The following APBB1 variants were observed in gnomAD, a reference collection of about 807,000 sequenced individuals.
The protein encoded by APBB1 is amyloid beta precursor protein binding family B member 1, also known as adaptor protein FE65a2.
Under a neutral mutation model 78.4 loss-of-function variants are expected in APBB1, and 22 were observed. That is an observed-to-expected ratio of 0.28 (90% CI 0.20 to 0.40). The LOEUF is 0.40. APBB1 is among the 10% of genes least tolerant of loss of function. The probability of loss-of-function intolerance (pLI) is 1.00; values close to 1 mark genes in which losing one functional copy is unlikely to be tolerated. For synonymous variants in APBB1, 369 were observed against 372.7 expected, an observed-to-expected ratio of 0.99 and a Z score of 0.12; for missense variants, 749 against 932.4, an observed-to-expected ratio of 0.80 and a Z score of 2.56.
Position 6,411,632 on chromosome 11 carries a change from C to T in APBB1, c.-14-271G>A, listed in dbSNP as rs140439762. On this transcript the variant is annotated intron_variant, in intron 1 of 14. Coordinates refer to ENST00000609360, the MANE Select transcript of APBB1 (RefSeq NM_001164.5). The surrounding 1 kb of genome is among the most constrained non-coding windows in gnomAD (Gnocchi z 5.2). ...GGATGGCACAGCTGGCGCCTGCCCTCGGTCCCACCAGCAAGGCCTCCACAC... is the reference window on the plus strand; with the variant it reads ...GGATGGCACAGCTGGCGCCTGCCCTTGGTCCCACCAGCAAGGCCTCCACAC... Among the ~76,000 whole-genome samples, 2,581 of 152,226 alleles carry T rather than the reference C, an allele frequency of 0.017. 44 individuals carry two copies. The highest frequency in any genetic ancestry group is 0.03 in the Admixed American group (451 of 15,288).
rs2134056159 is a variant in APBB1, at chr11:6,400,936, G to T, written c.1672+53C>A. 2.6e-6 allele frequency: 4 copies of T among 1,531,938 alleles called. No homozygotes were observed. In the East Asian group the frequency reaches 6.7e-5, roughly 26 times the overall value. The allele number at this position is 1,531,938 out of a possible 1,614,324, so 94.9% of individuals were successfully genotyped here. On this transcript the variant is annotated intron_variant, in intron 12 of 14. Coordinates refer to ENST00000609360, the MANE Select transcript of APBB1 (RefSeq NM_001164.5). The stretch of plus-strand genomic sequence containing the variant: ...AAGTATTGGAAGGCAGAGGGTAGGG[G>T]CAGAGTTTTAGGATCAAGGTAGCAG...
chr11:6,401,020 G>A lies in APBB1; in HGVS notation c.1641C>T (p.Tyr547=), dbSNP rs750854475. Residue 547 remains tyrosine, a synonymous_variant, in exon 12 of 15, where the codon TAC becomes TAT. Transcript: ENST00000609360. The surrounding 1 kb of genome is among the most constrained non-coding windows in gnomAD (Gnocchi z 4.5). ...NELVQKFQVY[Y]LGNVPVAKPV... ...GTTTAGCAACAGGTACATTCCCCAG[G>A]TAATAGACTTGGAACTTCTGGACCA... The A allele has an allele frequency of 4.3e-6, 7 of 1,614,014 alleles. No individual in the cohort carries two copies. The East Asian group carries it at 1.3e-4, about 31-fold the overall frequency.
At chr11:6,419,273 C>T (rs1590797962), upstream of APBB1, 1 of 283,252 alleles carries the variant, frequency 3.5e-6, no homozygotes, top group East Asian at 6.1e-5. Flanking sequence ...TCCCAGCAGA[C>T]ACCCCTGCAG....
intron 2 of APBB1, chr11:6,405,219 C>A (rs929042595): frequency 5.7e-6 from 6 of 1,060,588 alleles, no homozygotes; most frequent in Non-Finnish European, 6.8e-6. Context: ...CCCTGCAGAG[C>A]CTATAGCTGT....
chr11:6,404,316 AT>A (rs746465569), intron 2 of APBB1, among the ~76,000 whole-genome samples: 13 of 152,162 alleles, frequency 8.5e-5, no homozygotes, highest in Non-Finnish European at 1.9e-4. Flanking sequence ...ACAGGTGCAC[AT>A]GTATGTGCAG....
chr11:6,416,122 C>A (rs1209521586), intron 1 of APBB1, among the ~76,000 whole-genome samples: 3 of 152,182 alleles, frequency 2.0e-5, no homozygotes, highest in African/African-American at 7.2e-5. Context: ...TCTTGGTTGT[C>A]CTCCCAGCAG....
chr11:6,418,174 T>C (rs1849168619), intron 1 of APBB1, among the ~76,000 whole-genome samples: 2 of 152,136 alleles, frequency 1.3e-5, no homozygotes, highest in Non-Finnish European at 2.9e-5. Flanking sequence ...CAGACAATGC[T>C]GTAGGGCAGA....
chr11:6,403,770 T>C lies in APBB1; in HGVS notation c.774A>G (p.Gly258=), dbSNP rs143407326. The C allele has an allele frequency of 4.4e-6, 7 of 1,590,652 alleles. No homozygotes were observed. The highest frequency in any genetic ancestry group is 6.0e-6 in the Non-Finnish European group (7 of 1,165,632). The change falls in exon 3 of 15, where the codon GGA becomes GGG. Residue 258 remains glycine (G), a synonymous_variant. Coordinates refer to ENST00000609360, the MANE Select transcript of APBB1 (RefSeq NM_001164.5). This position sits in a 1 kb window ranked among gnomAD's most constrained non-coding sequence, Gnocchi z 5.3. ...CTGAGGTGTCCTGGACCCTCATCCA[T>C]CCAGCCGGCAGGTCGGAATCCGTCT... ...AFETDSDLPA[G]WMRVQDTSGT...
At chr11:6,405,179 G>C in intron 2 of APBB1, 1 of 1,145,730 alleles carries the variant, frequency 8.7e-7, no homozygotes, top group Non-Finnish European at 1.1e-6. Context: ...AGGAGACTCA[G>C]CCCCTAAGGA....
At position 6,402,089 on chromosome 11, in the gene APBB1, T is replaced by A. The variant is rs1304852562; in HGVS notation, c.1375A>T (p.Ser459Cys). 5 of 1,613,920 alleles carry A rather than the reference T, an allele frequency of 3.1e-6. No homozygotes were observed. The African/African-American group carries it at 6.7e-5, about 22-fold the overall frequency. The change falls in exon 8 of 15, where the codon AGT (serine) becomes TGT (cysteine). Residue 459 changes from serine to cysteine, a missense_variant. Physicochemically the swap from Ser to Cys is moderately radical, Grantham distance 112. Around this residue, in one of 3 missense-constraint regions of APBB1, gnomAD observed 635 missense variants for 765.0 expected, o/e 0.83. Coordinates refer to ENST00000609360, the MANE Select transcript of APBB1 (RefSeq NM_001164.5). ...CCCAAGCCCTATTCCCACCTTCCAC[T>A]GTCCCGCCCGACGCCCCACACGCGG... is the stretch of plus-strand genomic sequence containing the variant. ...SIRVWGVGRD[S>C]GRERDFAYVA...
At chr11:6,397,187 C>A (rs1442762934) in intron 12 of APBB1, among the ~76,000 whole-genome samples, 1 of 152,248 alleles carries the variant, frequency 6.6e-6, no homozygotes, top group Non-Finnish European at 1.5e-5. Flanking sequence ...AGGCACATGC[C>A]TCTGTGGTCC....
At chr11:6,409,142 T>C (rs1848895045) in intron 2 of APBB1, among the ~76,000 whole-genome samples, 1 of 152,138 alleles carries the variant, frequency 6.6e-6, no homozygotes, top group African/African-American at 2.4e-5. Context: ...CAATCATGGC[T>C]CACTGTAGTC....
rs1590777586 is a variant in APBB1, at chr11:6,403,961, C to T, written c.722-139G>A. 1.5e-5 allele frequency: 14 copies of T among 954,504 alleles called. No homozygotes were observed. In the East Asian group the frequency reaches 3.8e-4, roughly 26 times the overall value. The allele number at this position is 954,504 out of a possible 1,614,324, so 59.1% of individuals were successfully genotyped here. A position where few individuals can be genotyped will look rare whatever the true frequency, so the allele number is the denominator to read the frequency against. ...ACCACAACACAGTTCCTGCTTCTGC[C>T]TAGAGCCTATAGTCTGGAGTCACCA... On this transcript the variant is annotated intron_variant, in intron 2 of 14. Transcript: ENST00000609360. The surrounding 1 kb of genome is among the most constrained non-coding windows in gnomAD (Gnocchi z 5.3).
At chr11:6,406,083 C>A (rs538276341) in intron 2 of APBB1, among the ~76,000 whole-genome samples, 1 of 152,218 alleles carries the variant, frequency 6.6e-6, no homozygotes, top group South Asian at 2.1e-4. Context: ...AGTTTCTCCC[C>A]CCTTGGCCAT....
At chr11:6,412,398 A>G (rs1476115529) in intron 1 of APBB1, among the ~76,000 whole-genome samples, 1 of 151,766 alleles carries the variant, frequency 6.6e-6, no homozygotes, top group African/African-American at 2.4e-5. Flanking sequence ...TGATCCGCCC[A>G]CTTCGGCCTC....
chr11:6,406,201 C>T (rs1564942959), intron 2 of APBB1, among the ~76,000 whole-genome samples: 2 of 152,226 alleles, frequency 1.3e-5, no homozygotes, highest in African/African-American at 4.8e-5. Context: ...TTCACTCCTG[C>T]ATCGATTCAT....
At chr11:6,412,962 G>C (rs908784755) in intron 1 of APBB1, among the ~76,000 whole-genome samples, 1 of 151,778 alleles carries the variant, frequency 6.6e-6, no homozygotes, top group Non-Finnish European at 1.5e-5. Context: ...CAGTTTCTCC[G>C]CAACCATTTG....
chr11:6,415,764 A>T (rs1849103002), intron 1 of APBB1, among the ~76,000 whole-genome samples: 1 of 152,080 alleles, frequency 6.6e-6, no homozygotes, highest in South Asian at 2.1e-4. Flanking sequence ...TCCCAAAACC[A>T]ACTGCTTCAC....
chr11:6,404,654 T>G, intron 2 of APBB1: 2 of 1,536,178 alleles, frequency 1.3e-6, no homozygotes, highest in Non-Finnish European at 1.7e-6. Flanking sequence ...GCCACACCAC[T>G]CCAACCCTGT....
Sources: gnomAD v4.1 joint callset for allele counts (sites outside exome capture counted in the v4.1 genomes callset) on GRCh38, gnomAD v4.1.1 for gene constraint, gnomAD v4.1.1 regional missense constraint, Gnocchi (gnomAD v3.1) non-coding constraint, MANE v1.5 for transcripts, NCBI Gene and HGNC (gene_info 2026-07-23, HGNC 2026-07-21) for gene names.